FAM135B: variants seen among roughly 807,000 people sequenced by gnomAD.
FAM135B encodes the protein family with sequence similarity 135 member B.
FAM135B carries 43 observed loss-of-function variants against 127.7 expected under a neutral mutation model. The observed-to-expected ratio is 0.34, with a 90% CI of 0.26 to 0.43. The LOEUF is 0.43. Among genes scored for constraint, FAM135B ranks in the 20% least tolerant of loss-of-function variants. FAM135B has a pLI of 1.00. For missense variants in FAM135B, 1,558 were observed against 1,725.6 expected (o/e 0.90, Z 1.72); for synonymous variants, 670 against 665.1 (o/e 1.01, Z -0.11).
chr8:138,477,177 C>G (rs1470204609), intron 1 of FAM135B: 1 of 152,214 alleles, frequency 6.6e-6, no homozygotes, highest in Non-Finnish European at 1.5e-5. Flanking sequence ...TCAAGTGTCA[C>G]CAATGGTTGT....
chr8:138,437,068 T>C (rs990072629), intron 1 of FAM135B: 6 of 152,186 alleles, frequency 3.9e-5, no homozygotes, highest in African/African-American at 1.2e-4. Context: ...CGGTGTTACT[T>C]CATCTCCTCT....
chr8:138,244,805 T>A (rs1821153696), intron 6 of FAM135B, among the ~76,000 whole-genome samples: 1 of 152,178 alleles, frequency 6.6e-6, no homozygotes, highest in Non-Finnish European at 1.5e-5. Context: ...TTCTGGTGGA[T>A]CTGAATCCCT....
intron 4 of FAM135B, among the ~76,000 whole-genome samples, chr8:138,261,021 T>TA (rs749588692): frequency 6.6e-6 from 1 of 152,142 alleles, no homozygotes; most frequent in Admixed American, 6.5e-5. Flanking sequence ...ACTTTACTGC[T>TA]TTTTATGGGC....
At chr8:138,142,251 A>G (rs1817229967) in intron 16 of FAM135B, among the ~76,000 whole-genome samples, 1 of 141,904 alleles carries the variant, frequency 7.0e-6, no homozygotes, top group South Asian at 2.2e-4. Context: ...GCTGATTGAA[A>G]CTCTCTCTTT....
intron 12 of FAM135B, among the ~76,000 whole-genome samples, chr8:138,158,920 G>C (rs1484519633): frequency 1.3e-5 from 2 of 152,150 alleles, no homozygotes; most frequent in Admixed American, 6.6e-5. Context: ...AATACCATTT[G>C]ACCCAGCCAA....
At chr8:138,228,401 G>A (rs1401609004) in intron 7 of FAM135B, among the ~76,000 whole-genome samples, 1 of 152,122 alleles carries the variant, frequency 6.6e-6, no homozygotes, top group Non-Finnish European at 1.5e-5. Flanking sequence ...CCCAGCTGCA[G>A]GAGCGGGTGT....
intron 3 of FAM135B, among the ~76,000 whole-genome samples, chr8:138,268,300 A>G (rs546505980): frequency 1.1e-4 from 16 of 152,260 alleles, no homozygotes; most frequent in African/African-American, 3.9e-4. Flanking sequence ...TCTGTTGAAT[A>G]TATTATCATT....
intron 3 of FAM135B, among the ~76,000 whole-genome samples, chr8:138,298,305 G>GA (rs1282427650): frequency 1.3e-5 from 2 of 151,876 alleles, no homozygotes; most frequent in Non-Finnish European, 1.5e-5. Context: ...GTCACCTAAA[G>GA]AAAAAAAGAG....
chr8:138,456,346 T>C (rs555419615), intron 1 of FAM135B, among the ~76,000 whole-genome samples: 5 of 152,370 alleles, frequency 3.3e-5, no homozygotes, highest in Non-Finnish European at 7.3e-5. Context: ...CCTAATCCTT[T>C]GTATCTTTGA....
Position 138,250,910 on chromosome 8 carries a change from T to C in FAM135B, c.473A>G (p.Tyr158Cys), listed in dbSNP as rs1487679103. The C allele has an allele frequency of 5.0e-6, 8 of 1,612,640 alleles. No individual in the cohort carries two copies. Among genetic ancestry groups the C allele is most frequent in the East Asian group, 2.2e-5 (1 of 44,786 alleles). Residue 158 changes from tyrosine to cysteine, a missense_variant, in exon 6 of 20, where the codon TAT becomes TGT. This residue lies in a region of FAM135B where 199 missense variants were observed against 245.7 expected (regional missense o/e 0.81). Coordinates refer to ENST00000395297, the MANE Select transcript of FAM135B (RefSeq NM_015912.4). ...CACCGAGATCACAGACAGGTGGAAATAGTCGAACATGACCGGGACCTGGTG... is the reference window on the plus strand; with the variant it reads ...CACCGAGATCACAGACAGGTGGAAACAGTCGAACATGACCGGGACCTGGTG... ...LHHQVPVMFD[Y>C]FHLSVISVTV...
chr8:138,453,025 G>A (rs1211994122), intron 1 of FAM135B, among the ~76,000 whole-genome samples: 1 of 152,148 alleles, frequency 6.6e-6, no homozygotes, highest in African/African-American at 2.4e-5. Flanking sequence ...GTTAATGTGG[G>A]AGAAGACTAG....
chr8:138,416,888 G>T lies in FAM135B; in HGVS notation c.-19-48886C>A, dbSNP rs181841673. Among the ~76,000 whole-genome samples, 432 of 152,258 alleles carry T rather than the reference G, an allele frequency of 2.8e-3. 11 individuals carry two copies. The highest frequency in any genetic ancestry group is 0.027 in the Admixed American group (406 of 15,296). ...TTGCCAAGCACCAGGACTCAGTCCT[G>T]GCCCAGAGTGGATCCTGGGGAAGAG... On this transcript the variant is annotated intron_variant, in intron 1 of 19. Transcript: ENST00000395297.
chr8:138,208,341 T>C (rs1817867756), intron 7 of FAM135B, among the ~76,000 whole-genome samples: 1 of 152,210 alleles, frequency 6.6e-6, no homozygotes, highest in African/African-American at 2.4e-5. Flanking sequence ...CTGGAAGTCT[T>C]AGCTATTCCA....
intron 2 of FAM135B, among the ~76,000 whole-genome samples, chr8:138,340,316 A>G (rs1408399060): frequency 6.6e-6 from 1 of 152,204 alleles, no homozygotes; most frequent in Non-Finnish European, 1.5e-5. Flanking sequence ...TAGAACAGGA[A>G]ACGATCAGGG....
chr8:138,181,654 C>T (rs1301890784), intron 9 of FAM135B, among the ~76,000 whole-genome samples: 10 of 152,098 alleles, frequency 6.6e-5, no homozygotes, highest in African/African-American at 2.4e-4. Context: ...CTGTCCTCTA[C>T]CAGGTAACCA....
chr8:138,467,415 A>G (rs1382954570), intron 1 of FAM135B, among the ~76,000 whole-genome samples: 8 of 152,232 alleles, frequency 5.3e-5, no homozygotes, highest in African/African-American at 1.9e-4. Flanking sequence ...AATGTTAAAA[A>G]TTCATTTCCT....
chr8:138,437,987 T>A (rs1835548500), intron 1 of FAM135B: 2 of 152,206 alleles, frequency 1.3e-5, no homozygotes, highest in African/African-American at 4.8e-5. Flanking sequence ...TCTCAGAACA[T>A]CTCTATTTGA....
intron 7 of FAM135B, among the ~76,000 whole-genome samples, chr8:138,204,424 T>C (rs1404420403): frequency 1.3e-5 from 2 of 152,186 alleles, no homozygotes; most frequent in South Asian, 2.1e-4. Context: ...TTTTACTTTT[T>C]AGTTTTATTT....
intron 1 of FAM135B, among the ~76,000 whole-genome samples, chr8:138,482,671 C>T (rs937678003): frequency 6.6e-6 from 1 of 152,048 alleles, no homozygotes; most frequent in Admixed American, 6.6e-5. Flanking sequence ...CCTCAAAATA[C>T]TCCATTAGGT....
Sources: allele counts gnomAD v4.1 joint callset (sites outside exome capture counted in the v4.1 genomes callset), GRCh38; gene constraint gnomAD v4.1.1; regional missense constraint gnomAD v4.1.1; transcripts MANE v1.5; gene names NCBI Gene and HGNC (gene_info 2026-07-23, HGNC 2026-07-21).